WFDC5: variants seen among roughly 807,000 people sequenced by gnomAD.
WFDC5 encodes WAP four-disulfide core domain protein 5.
A neutral mutation model predicts 15.7 loss-of-function variants in WFDC5; 15 were observed. The observed-to-expected ratio is 0.96, with a 90% confidence interval of 0.64 to 1.47. The LOEUF is 1.47. WFDC5 is among the 40% of genes most tolerant of loss of function. The pLI, the probability that WFDC5 is intolerant of heterozygous loss-of-function variation, is 0.00. For missense variants in WFDC5, 280 were observed against 258.0 expected (o/e 1.09, Z -0.59); for synonymous variants, 109 against 107.7 (o/e 1.01, Z -0.07).
In WFDC5 at chr20:45,114,994, C is replaced by T. The variant is rs778109270; in HGVS notation, c.85+5G>A. 3 of 1,613,258 alleles carry T rather than the reference C, an allele frequency of 1.9e-6. No individual in the cohort carries two copies. The highest frequency in any genetic ancestry group is 2.7e-5 in the African/African-American group (2 of 74,916). ...CCCCCCAGCAGAGGGATTTCCCGCA[C>T]TCACCTCCCTTCTTCCTGCCAAAGA... is the stretch of plus-strand genomic sequence containing the variant. On this transcript the variant is annotated splice_donor_5th_base_variant and intron_variant, in intron 1 of 3. Transcript: ENST00000307971.
chr20:45,116,022 C>A (rs1330653547), upstream of WFDC5, among the ~76,000 whole-genome samples: 2 of 152,164 alleles, frequency 1.3e-5, no homozygotes, highest in African/African-American at 4.8e-5. Context: ...AGGGGACTGG[C>A]CCAAGGACAC....
chr20:45,116,077 C>T (rs1053338532), upstream of WFDC5, among the ~76,000 whole-genome samples: 8 of 152,298 alleles, frequency 5.3e-5, no homozygotes, highest in African/African-American at 1.9e-4. Flanking sequence ...TGTGGCCTCC[C>T]CATCACCCTC....
At chr20:45,110,089 G>A in intron 3 of WFDC5, 76 bp from the exon 4 acceptor site, 1 of 1,558,794 alleles carries the variant, frequency 6.4e-7, no homozygotes, top group Non-Finnish European at 8.7e-7. Flanking sequence ...TCCCATCCAT[G>A]CCCCACCAGC....
At chr20:45,116,196 T>G (rs1437847188), upstream of WFDC5, among the ~76,000 whole-genome samples, 1 of 152,354 alleles carries the variant, frequency 6.6e-6, no homozygotes, top group East Asian at 1.9e-4. Flanking sequence ...AGGACAGCCC[T>G]GGCAGCAGGA....
upstream of WFDC5, among the ~76,000 whole-genome samples, chr20:45,115,976 A>G (rs1981750183): frequency 6.6e-6 from 1 of 152,180 alleles, no homozygotes; most frequent in Non-Finnish European, 1.5e-5. Flanking sequence ...CAGCCTTCTC[A>G]TTTGAAAGAC....
At chr20:45,110,264 A>G (rs1471084506) in intron 3 of WFDC5, 136 bp downstream of exon 3, 4 of 1,437,288 alleles carry the variant, frequency 2.8e-6, no homozygotes, top group Non-Finnish European at 3.7e-6. Context: ...TCCAACCCCT[A>G]TCCAGTTTCC....
chr20:45,113,797 A>G (rs6017491), intron 1 of WFDC5, among the ~76,000 whole-genome samples: 66,995 of 133,160 alleles, frequency 0.5, 15,698 homozygotes, highest in Middle Eastern at 0.59. Context: ...TAGTTGGTAA[A>G]GTGAATCTTT....
chr20:45,114,947 A>G (rs1278238084), intron 1 of WFDC5, 52 bp downstream of exon 1: 42 of 1,588,696 alleles, frequency 2.6e-5, no homozygotes, highest in South Asian at 9.0e-5. Flanking sequence ...TACTCTCCCT[A>G]GAGAAGTAGA....
Sources: gnomAD v4.1 joint callset for allele counts (sites outside exome capture counted in the v4.1 genomes callset) on GRCh38, gnomAD v4.1.1 for gene constraint, MANE v1.5 for transcripts, NCBI Gene and HGNC (gene_info 2026-07-23, HGNC 2026-07-21) for gene names.